The following GPX5 variants were observed in gnomAD, a reference collection of about 807,000 sequenced individuals.
GPX5 encodes glutathione peroxidase 5, also known as epididymal secretory glutathione peroxidase.
GPX5 carries 20 observed loss-of-function variants against 23.8 expected under a neutral mutation model. The ratio of observed to expected loss-of-function variants is 0.84; its 90% CI spans 0.59 to 1.22. GPX5 has a LOEUF of 1.22. Among genes scored for constraint, GPX5 ranks in the 50% most tolerant of loss-of-function variants. The pLI, the probability that GPX5 is intolerant of heterozygous loss-of-function variation, is 0.00. For synonymous variants in GPX5, 92 were observed against 99.5 expected, an observed-to-expected ratio of 0.92 and a Z score of 0.45; for missense variants, 230 against 266.6, an observed-to-expected ratio of 0.86 and a Z score of 0.96.
intron 4 of GPX5, among the ~76,000 whole-genome samples, chr6:28,532,694 A>C (rs1285203801): frequency 6.6e-6 from 1 of 152,244 alleles, no homozygotes; most frequent in East Asian, 1.9e-4. Context: ...TTCATTCATT[A>C]ATTCATTCCA....
rs748211149 is a variant in GPX5, at chr6:28,534,376, A to T, written c.*209A>T. On this transcript the variant is annotated 3_prime_UTR_variant, in exon 5 of 5. Coordinates refer to ENST00000412168, the MANE Select transcript of GPX5 (RefSeq NM_001509.3). ...GAAGGCTACTGCTCTTTTGCCTCTC[A>T]AGAGTATGTGGGTGAAGACTGAAAC... 1 of 449,894 alleles carries T rather than the reference A, an allele frequency of 2.2e-6. No individual in the cohort carries two copies. The highest frequency in any genetic ancestry group is 3.9e-6 in the Non-Finnish European group (1 of 257,250). 27.9% of individuals were successfully genotyped at this position (449,894 alleles called of 1,614,324 possible).
Position 28,534,365 on chromosome 6 carries a change from T to C in GPX5, c.*198T>C. 1 of 453,996 alleles carries C rather than the reference T, an allele frequency of 2.2e-6. No homozygotes were observed. 28.1% of individuals were successfully genotyped at this position (453,996 alleles called of 1,614,324 possible). A position where few individuals can be genotyped will look rare whatever the true frequency, so the allele number is the denominator to read the frequency against. On this transcript the variant is annotated 3_prime_UTR_variant, in exon 5 of 5. Transcript: ENST00000412168. ...ATTTATATTTGGAAGGCTACTGCTCTTTTGCCTCTCAAGAGTATGTGGGTG... is the reference window on the plus strand; with the variant it reads ...ATTTATATTTGGAAGGCTACTGCTCCTTTGCCTCTCAAGAGTATGTGGGTG...
chr6:28,531,927 G>T (rs769306018), intron 3 of GPX5, 32 bp downstream of exon 3: 2 of 1,466,208 alleles, frequency 1.4e-6, no homozygotes, highest in Non-Finnish European at 1.9e-6. Context: ...AATAGGAGGC[G>T]CCTGTGTACC....
chr6:28,531,882 CT>C lies in GPX5; in HGVS notation c.348del (p.Pro117LeufsTer24), dbSNP rs1424465370. ...AGAACCAGGAGATAACAAAGAGATT[CT>C]TCCTGGGCTCAAGTACGTGTCTTCT... ...KQEPGDNKEI[L>X]PGLKYVRPGG... On this transcript the variant is annotated frameshift_variant, in exon 3 of 5. Transcript: ENST00000412168. LOFTEE classifies it high-confidence loss of function. 2.5e-6 allele frequency: 4 copies of C among 1,611,554 alleles called. No homozygotes were observed. In the African/African-American group the frequency reaches 5.3e-5, roughly 22 times the overall value.
chr6:28,531,928 C>G (rs1202978728), intron 3 of GPX5, 33 bp downstream of exon 3: 2 of 1,448,318 alleles, frequency 1.4e-6, no homozygotes, highest in Admixed American at 1.7e-5. Context: ...ATAGGAGGCG[C>G]CTGTGTACCT....
At chr6:28,533,564 A>C (rs1763367393) in intron 4 of GPX5, among the ~76,000 whole-genome samples, 1 of 152,218 alleles carries the variant, frequency 6.6e-6, no homozygotes, top group Non-Finnish European at 1.5e-5. Flanking sequence ...TATTTGACAA[A>C]ATATTAGTAA....
At position 28,534,266 on chromosome 6, in the gene GPX5, T is replaced by G; in HGVS notation, c.*99T>G. 1 of 772,168 alleles carries G rather than the reference T, an allele frequency of 1.3e-6. No homozygotes were observed. The allele number at this position is 772,168 out of a possible 1,614,324, so 47.8% of individuals were successfully genotyped here. A position where few individuals can be genotyped will look rare whatever the true frequency, so the allele number is the denominator to read the frequency against. On this transcript the variant is annotated 3_prime_UTR_variant, in exon 5 of 5. Coordinates refer to ENST00000412168, the MANE Select transcript of GPX5 (RefSeq NM_001509.3). ...AGGAATACCCATCTTCTCACCACAC[T>G]CTCTTCCTGCATGGGCTCCACCTGA... is the stretch of plus-strand genomic sequence containing the variant.
At position 28,525,980 on chromosome 6, in the gene GPX5, A is replaced by G. The variant is rs1357542306; in HGVS notation, c.-34A>G. On this transcript the variant is annotated 5_prime_UTR_variant, in exon 1 of 5. Coordinates refer to ENST00000412168, the MANE Select transcript of GPX5 (RefSeq NM_001509.3). ...GACTGCAGAGGTGGGCAAAGACCTC[A>G]GGCCCCCAGACTAGCAATCTACAAA... is the stretch of plus-strand genomic sequence containing the variant. The G allele has an allele frequency of 4.0e-6, 6 of 1,503,886 alleles. No homozygotes were observed. The East Asian group carries it at 1.1e-4, about 28-fold the overall frequency. 93.2% of individuals were successfully genotyped at this position (1,503,886 alleles called of 1,614,324 possible).
intron 2 of GPX5, among the ~76,000 whole-genome samples, chr6:28,530,667 G>C (rs957102684): frequency 1.1e-4 from 16 of 152,248 alleles, no homozygotes; most frequent in South Asian, 2.1e-4. Flanking sequence ...TCTTAAGACT[G>C]AATAATATTT....
At chr6:28,531,679 C>T in intron 2 of GPX5, 99 bp from the exon 3 acceptor site, 1 of 757,620 alleles carries the variant, frequency 1.3e-6, no homozygotes, top group Non-Finnish European at 2.2e-6. Context: ...CTCCCTGGGC[C>T]TCTGTTTCCT....
At chr6:28,531,051 T>C (rs955168588) in intron 2 of GPX5, among the ~76,000 whole-genome samples, 2 of 152,184 alleles carry the variant, frequency 1.3e-5, no homozygotes, top group African/African-American at 4.8e-5. Flanking sequence ...CTTCAGCATC[T>C]TAAGGACTGT....
rs775350924 is a variant in GPX5 at position 28,526,035 on chromosome 6, G to A, written c.22G>A (p.Val8Ile). 1.4e-5 allele frequency: 23 copies of A among 1,612,654 alleles called. No individual in the cohort carries two copies. Among genetic ancestry groups the A allele is most frequent in the African/African-American group, 2.7e-5 (2 of 74,858 alleles). Residue 8 changes from valine to isoleucine, a missense_variant, in exon 1 of 5, where the codon GTC becomes ATC. Physicochemically the swap from Val to Ile is conservative, Grantham distance 29 (BLOSUM62 3). Coordinates refer to ENST00000412168, the MANE Select transcript of GPX5 (RefSeq NM_001509.3). ...AGTCATGACTACACAGTTAAGGGTC[G>A]TCCATCTGCTTCCCCTTCTCCTAGC... MTTQLRV[V>I]HLLPLLLACF... is the part of the protein sequence containing the mutation.
At chr6:28,526,402 G>T (rs73402963) in intron 1 of GPX5, among the ~76,000 whole-genome samples, 1 of 152,178 alleles carries the variant, frequency 6.6e-6, no homozygotes, top group Non-Finnish European at 1.5e-5. Context: ...TCAGAGCTGG[G>T]TCTGAGGCTG....
rs60523386 is a variant in GPX5 at position 28,529,502 on chromosome 6, G to A, written c.139G>A (p.Ala47Thr). ...CACCATCTATGACTATGAGGCCATC[G>A]CACTTAATAAGAATGAATATGTTTC... ...KGTIYDYEAI[A>T]LNKNEYVSFK... Residue 47 changes from alanine (A) to threonine (T), a missense_variant, in exon 2 of 5, where the codon GCA becomes ACA. Physicochemically the swap from Ala to Thr is moderately conservative, Grantham distance 58 (BLOSUM62 0). Coordinates refer to ENST00000412168, the MANE Select transcript of GPX5 (RefSeq NM_001509.3). The A allele has an allele frequency of 9.1e-4, 1,462 of 1,613,156 alleles. 9 individuals are homozygous for A. The African/African-American group carries it at 0.011, about 13-fold the overall frequency.
chr6:28,533,067 G>A (rs192307104), intron 4 of GPX5, among the ~76,000 whole-genome samples: 1 of 152,288 alleles, frequency 6.6e-6, no homozygotes, highest in East Asian at 1.9e-4. Context: ...GCTGAAGTGA[G>A]CTATGATTGT....
At chr6:28,526,257 C>T (rs1562008110) in intron 1 of GPX5, among the ~76,000 whole-genome samples, 157 bp downstream of exon 1, 2 of 152,132 alleles carry the variant, frequency 1.3e-5, no homozygotes, top group Non-Finnish European at 2.9e-5. Context: ...TTCTTCATTC[C>T]TATGGATGGG....
At chr6:28,530,280 T>C (rs1392848273) in intron 2 of GPX5, among the ~76,000 whole-genome samples, 1 of 152,186 alleles carries the variant, frequency 6.6e-6, no homozygotes, top group Non-Finnish European at 1.5e-5. Flanking sequence ...TTGTACATTA[T>C]TCAGGGAAGA....
In GPX5 at chr6:28,534,773, A is replaced by G. The variant is rs451774; in HGVS notation, c.*606A>G. ...TCCATGCTTGTGGGACCCAAAACCTATCTCTGGCCCTACAAAAGTTTTCCT... is the reference window on the plus strand; with the variant it reads ...TCCATGCTTGTGGGACCCAAAACCTGTCTCTGGCCCTACAAAAGTTTTCCT... On this transcript the variant is annotated 3_prime_UTR_variant, in exon 5 of 5. Coordinates refer to ENST00000412168, the MANE Select transcript of GPX5 (RefSeq NM_001509.3). 0.42 allele frequency: 63,711 copies of G among 152,036 alleles called. 15,797 individuals carry two copies. Among genetic ancestry groups the G allele is most frequent in the African/African-American group, 0.69 (28,720 of 41,466 alleles). The allele number at this position is 152,036 out of a possible 1,614,324, so 9.4% of individuals were successfully genotyped here.
At chr6:28,531,060 G>A (rs1253937356) in intron 2 of GPX5, among the ~76,000 whole-genome samples, 3 of 152,156 alleles carry the variant, frequency 2.0e-5, no homozygotes. Context: ...CTTAAGGACT[G>A]TTGAAAAATG....
Sources: allele counts gnomAD v4.1 joint callset (sites outside exome capture counted in the v4.1 genomes callset), GRCh38; gene constraint gnomAD v4.1.1; transcripts MANE v1.5; gene names NCBI Gene and HGNC (gene_info 2026-07-23, HGNC 2026-07-21).